The following PLPP4 variants were observed in gnomAD, a reference collection of about 807,000 sequenced individuals.
PLPP4 encodes phospholipid phosphatase 4.
A neutral mutation model predicts 32.2 loss-of-function variants in PLPP4; 20 were observed. The ratio of observed to expected loss-of-function variants is 0.62; its 90% CI spans 0.44 to 0.90. PLPP4 has a LOEUF of 0.90. Among genes scored for constraint, PLPP4 ranks in the 40% least tolerant of loss-of-function variants. The pLI, the probability that PLPP4 is intolerant of heterozygous loss-of-function variation, is 0.00. For missense variants in PLPP4, 257 were observed against 353.1 expected (o/e 0.73, Z 2.18); for synonymous variants, 127 against 133.0 (o/e 0.95, Z 0.31).
intron 5 of PLPP4, among the ~76,000 whole-genome samples, chr10:120,572,172 C>T (rs1399664031): frequency 3.9e-5 from 6 of 152,166 alleles, no homozygotes; most frequent in Admixed American, 1.3e-4. Context: ...TGGCTCCCGC[C>T]GTGTGGGAGA....
intron 2 of PLPP4, among the ~76,000 whole-genome samples, chr10:120,507,354 T>C (rs1845536986): frequency 2.1e-5 from 1 of 48,126 alleles, no homozygotes; most frequent in African/African-American, 5.8e-5. Context: ...TTCATCATCA[T>C]CATCATTATC....
rs1252433615 is a variant in PLPP4 at position 120,550,425 on chromosome 10, A to G, written c.446-24706A>G. 4.6e-5 allele frequency among the ~76,000 whole-genome samples: 7 copies of G among 152,094 alleles called. No homozygotes were observed. In the East Asian group the frequency reaches 1.3e-3, roughly 29 times the overall value. On this transcript the variant is annotated intron_variant, in intron 5 of 6. Coordinates refer to ENST00000398250, the MANE Select transcript of PLPP4 (RefSeq NM_001030059.3). ...TAGATTCTGTATGTAGAACTTGGAA[A>G]GCTGATTATAAAATTTATATGAAAA...
chr10:120,503,751 C>A lies in PLPP4; in HGVS notation c.57-67C>A, dbSNP rs1220597620. ...ACCCTGAGGGTGCATAGAAGGGGGG[C>A]CTCCTTGGGAACTTCCCACAGCAAC... On this transcript the variant is annotated intron_variant, in intron 1 of 6. Transcript: ENST00000398250. 21 of 1,584,338 alleles carry A rather than the reference C, an allele frequency of 1.3e-5. No homozygotes were observed. The Admixed American group carries it at 3.5e-4, about 27-fold the overall frequency.
intron 5 of PLPP4, among the ~76,000 whole-genome samples, chr10:120,546,553 C>T: frequency 6.6e-6 from 1 of 152,188 alleles, no homozygotes; most frequent in Admixed American, 6.5e-5. Context: ...GAGAAGAGCA[C>T]ATTCTCTCTC....
chr10:120,530,870 C>A (rs1162009666), intron 5 of PLPP4, among the ~76,000 whole-genome samples: 2 of 152,138 alleles, frequency 1.3e-5, no homozygotes, highest in African/African-American at 4.8e-5. Flanking sequence ...AGTGGTATCT[C>A]TGTAGTTGTA....
chr10:120,571,131 T>TGTGTGG (rs60861843), intron 5 of PLPP4, among the ~76,000 whole-genome samples: 19 of 142,050 alleles, frequency 1.3e-4, no homozygotes, highest in African/African-American at 4.4e-4. Flanking sequence ...TGTGTGTGTG[T>TGTGTGG]GGTCTGTGTG....
At chr10:120,479,688 C>A (rs1474355364) in intron 1 of PLPP4, among the ~76,000 whole-genome samples, 1 of 152,188 alleles carries the variant, frequency 6.6e-6, no homozygotes, top group Non-Finnish European at 1.5e-5. Flanking sequence ...TGTTTACCCA[C>A]ACCATTAATG....
At chr10:120,564,350 C>T (rs1474008063) in intron 5 of PLPP4, among the ~76,000 whole-genome samples, 2 of 151,744 alleles carry the variant, frequency 1.3e-5, no homozygotes, top group African/African-American at 2.4e-5. Flanking sequence ...GATAACCAGT[C>T]CTTAGATCTT....
At position 120,520,956 on chromosome 10, in the gene PLPP4, T is replaced by C; in HGVS notation, c.321-15T>C. The C allele has an allele frequency of 6.2e-7, 1 of 1,614,078 alleles. No homozygotes were observed. The highest frequency in any genetic ancestry group is 8.5e-7 in the Non-Finnish European group (1 of 1,179,992). ...CAGCATTTTATATTGAAAATGTCCA[T>C]GGTGTCTTTTGTAGACCTCGCCCCG... On this transcript the variant is annotated splice_polypyrimidine_tract_variant and intron_variant, in intron 4 of 6. Transcript: ENST00000398250.
Position 120,503,744 on chromosome 10 carries a change from AG to A in PLPP4, c.57-68del. On this transcript the variant is annotated intron_variant, in intron 1 of 6. Transcript: ENST00000398250. ...GATTCCCACCCTGAGGGTGCATAGA[AG>A]GGGGGCCTCCTTGGGAACTTCCCAC... is the stretch of plus-strand genomic sequence containing the variant. The A allele has an allele frequency of 3.8e-6, 6 of 1,589,072 alleles. No homozygotes were observed. The South Asian group carries it at 6.7e-5, about 18-fold the overall frequency.
chr10:120,577,185 T>C (rs1321321423), intron 6 of PLPP4, among the ~76,000 whole-genome samples: 1 of 151,694 alleles, frequency 6.6e-6, no homozygotes, highest in African/African-American at 2.4e-5. Context: ...GGAGACAGAC[T>C]TTTTTTTTGG....
At chr10:120,588,225 C>T (rs929393799) in intron 6 of PLPP4, among the ~76,000 whole-genome samples, 2 of 152,352 alleles carry the variant, frequency 1.3e-5, no homozygotes, top group Middle Eastern at 3.4e-3. Context: ...AGTGAACACA[C>T]ACACAGATAC....
chr10:120,537,181 A>G (rs970228319), intron 5 of PLPP4, among the ~76,000 whole-genome samples: 2 of 152,156 alleles, frequency 1.3e-5, no homozygotes, highest in African/African-American at 4.8e-5. Flanking sequence ...AAGCAATCTC[A>G]CTTCTGAGTC....
chr10:120,581,223 C>G, intron 6 of PLPP4: 1 of 985,380 alleles, frequency 1.0e-6, no homozygotes, highest in Non-Finnish European at 1.2e-6. Flanking sequence ...TCACTGGCAT[C>G]CTTCCTTTGT....
intron 1 of PLPP4, among the ~76,000 whole-genome samples, chr10:120,480,970 A>G (rs978217419): frequency 2.0e-5 from 3 of 152,178 alleles, no homozygotes; most frequent in Non-Finnish European, 4.4e-5. Context: ...TAGGGTGCTC[A>G]CCAAACCATG....
chr10:120,579,879 G>T (rs1173035714), intron 6 of PLPP4, among the ~76,000 whole-genome samples: 2 of 151,348 alleles, frequency 1.3e-5, no homozygotes, highest in South Asian at 4.2e-4. Context: ...AGGCCGAGGC[G>T]GGCAGATCAC....
Position 120,538,052 on chromosome 10 carries a change from CTGTGTG to C in PLPP4, c.445+16985_445+16990del, listed in dbSNP as rs972974599. 4.2e-4 allele frequency among the ~76,000 whole-genome samples: 8 copies of C among 18,982 alleles called. 1 individual carries two copies. Among genetic ancestry groups the C allele is most frequent in the African/African-American group, 5.0e-4 (2 of 3,998 alleles). The allele number at this position is 18,982 out of a possible 152,430, so 12.5% of individuals were successfully genotyped here. On this transcript the variant is annotated intron_variant, in intron 5 of 6. Coordinates refer to ENST00000398250, the MANE Select transcript of PLPP4 (RefSeq NM_001030059.3). Reference sequence around the variant, plus strand: ...TCTCTCTCTCTCTCTCTCTCTCTCTCTGTGTGTGTGTGTGTGTGTGTGTGTGTGTGT... The same window carrying C: ...TCTCTCTCTCTCTCTCTCTCTCTCTCTGTGTGTGTGTGTGTGTGTGTGTGT...
rs12569365 is a variant in PLPP4, at chr10:120,590,734, C to G, written c.*1232C>G. Among the ~76,000 whole-genome samples, 3 of 149,792 alleles carry G rather than the reference C, an allele frequency of 2.0e-5. No homozygotes were observed. The highest frequency in any genetic ancestry group is 7.4e-5 in the African/African-American group (3 of 40,566). Reference sequence around the variant, plus strand: ...TTCAGATTCCTGGGCCTGGGTGCTACGAGGTGATGCATCTTTGCTATCCAG... The same window carrying G: ...TTCAGATTCCTGGGCCTGGGTGCTAGGAGGTGATGCATCTTTGCTATCCAG... On this transcript the variant is annotated 3_prime_UTR_variant, in exon 7 of 7. Transcript: ENST00000398250.
chr10:120,512,890 A>C (rs1845788738), intron 2 of PLPP4, among the ~76,000 whole-genome samples: 1 of 152,116 alleles, frequency 6.6e-6, no homozygotes, highest in African/African-American at 2.4e-5. Flanking sequence ...CCTCTCCAAA[A>C]AGTGATGTCT....
Sources: gnomAD v4.1 joint callset for allele counts (sites outside exome capture counted in the v4.1 genomes callset) on GRCh38, gnomAD v4.1.1 for gene constraint, MANE v1.5 for transcripts, NCBI Gene and HGNC (gene_info 2026-07-23, HGNC 2026-07-21) for gene names.